Variants in TBXAS1 observed in about 807,000 individuals in gnomAD.
TBXAS1 encodes the protein thromboxane A synthase 1, also known as thromboxane-A synthase.
In TBXAS1, 48 loss-of-function variants were observed where a neutral mutation model predicts 60.7. The observed-to-expected ratio is 0.79, with a 90% confidence interval of 0.63 to 1.01. TBXAS1 has a LOEUF of 1.01. TBXAS1 is among the 50% of genes least tolerant of loss of function. The probability of loss-of-function intolerance (pLI) is 0.00; values close to 1 mark genes in which losing one functional copy is unlikely to be tolerated. For missense variants in TBXAS1, 685 were observed against 686.3 expected, an observed-to-expected ratio of 1.00 and a Z score of 0.02; for synonymous variants, 287 against 269.7, an observed-to-expected ratio of 1.06 and a Z score of -0.63.
intron 3 of TBXAS1, among the ~76,000 whole-genome samples, chr7:139,910,772 T>C (rs1188696372): frequency 6.6e-6 from 1 of 152,246 alleles, no homozygotes; most frequent in African/African-American, 2.4e-5. Context: ...CTTTAGACTT[T>C]TTCTGAGAAT....
At chr7:139,915,681 G>A (rs1412922845) in intron 4 of TBXAS1, among the ~76,000 whole-genome samples, 2 of 152,172 alleles carry the variant, frequency 1.3e-5, no homozygotes, top group East Asian at 3.8e-4. Flanking sequence ...GGGATCCATA[G>A]AGCATATTCA....
intron 9 of TBXAS1, chr7:139,962,654 A>G: frequency 3.9e-6 from 1 of 257,420 alleles, no homozygotes. Context: ...ACAAAAGGAC[A>G]GGCCAAGCTG....
rs3070223 is a variant in TBXAS1 at position 139,878,108 on chromosome 7, T to TGAGA, written c.236+2490_236+2493dup. Among the ~76,000 whole-genome samples, 1,047 of 147,014 alleles carry TGAGA rather than the reference T, an allele frequency of 7.1e-3. 12 individuals are homozygous for TGAGA. Among genetic ancestry groups the TGAGA allele is most frequent in the African/African-American group, 0.019 (756 of 39,766 alleles). The stretch of plus-strand genomic sequence containing the variant: ...ACTGTATGAACTAGTTGTGTGTGTG[T>TGAGA]GAGAGAGAGAGAGAGAGAGAGAAGG... On this transcript the variant is annotated intron_variant, in intron 3 of 12. Transcript: ENST00000448866.
chr7:139,920,209 G>A (rs770942636), intron 4 of TBXAS1, among the ~76,000 whole-genome samples: 3 of 152,248 alleles, frequency 2.0e-5, no homozygotes, highest in African/African-American at 7.2e-5. Context: ...TTGAAGCAGA[G>A]CAAGTAAAGA....
At chr7:139,844,203 ACC>A (rs1799653903) in intron 1 of TBXAS1, among the ~76,000 whole-genome samples, 2 of 152,158 alleles carry the variant, frequency 1.3e-5, no homozygotes, top group Non-Finnish European at 2.9e-5. Flanking sequence ...GTATCCTGAC[ACC>A]AGACTAGGGG....
chr7:139,978,196 A>G, intron 9 of TBXAS1, among the ~76,000 whole-genome samples: 1 of 152,214 alleles, frequency 6.6e-6, no homozygotes, highest in East Asian at 1.9e-4. Context: ...ATCAAATAAT[A>G]TTGATAATAA....
At chr7:140,012,077 G>A (rs1814660210) in intron 10 of TBXAS1, among the ~76,000 whole-genome samples, 1 of 152,188 alleles carries the variant, frequency 6.6e-6, no homozygotes, top group Non-Finnish European at 1.5e-5. Flanking sequence ...AGCAGGAGTG[G>A]GAGCCCGTGT....
intron 10 of TBXAS1, among the ~76,000 whole-genome samples, chr7:140,007,489 ATTCATTCATTCG>A (rs1162777354): frequency 2.5e-4 from 38 of 152,248 alleles, no homozygotes; most frequent in African/African-American, 6.7e-4. Flanking sequence ...TCGTTCATTC[ATTCATTCATTCG>A]TTCATTCATT....
rs189012222 is a variant in TBXAS1 at position 139,969,646 on chromosome 7, G to A, written c.1134+7413G>A. 4.4e-3 allele frequency among the ~76,000 whole-genome samples: 675 copies of A among 152,206 alleles called. 8 individuals carry two copies. Among genetic ancestry groups the A allele is most frequent in the Middle Eastern group, 6.8e-3 (2 of 294 alleles). ...TCACCCAGGGAGGAGGGCATGGTTG[G>A]CTTTGAGATCAAGTAGAAAACTGGA... On this transcript the variant is annotated intron_variant, in intron 9 of 12. Transcript: ENST00000448866.
At chr7:139,810,039 AC>A (rs1420129852) in intron 4 of TBXAS1, among the ~76,000 whole-genome samples, 1 of 151,440 alleles carries the variant, frequency 6.6e-6, no homozygotes, top group Non-Finnish European at 1.5e-5. Context: ...GTGGAAATTA[AC>A]TTTTTTTTTT....
At chr7:140,016,198 G>C (rs960405377) in intron 11 of TBXAS1, among the ~76,000 whole-genome samples, 1 of 151,882 alleles carries the variant, frequency 6.6e-6, no homozygotes, top group Non-Finnish European at 1.5e-5. Context: ...CGTGGTGGCG[G>C]GCGCCTGTAG....
Position 139,809,184 on chromosome 7 carries a change from C to G in TBXAS1, c.-79-20128C>G, listed in dbSNP as rs1373591806. Among the ~76,000 whole-genome samples the G allele has an allele frequency of 8.7e-5, 12 of 137,246 alleles. No individual in the cohort carries two copies. The Admixed American group carries it at 9.3e-4, about 11-fold the overall frequency. The allele number at this position is 137,246 out of a possible 152,430, so 90.0% of individuals were successfully genotyped here. ...AGATAGATAGATAGATAGATAGAAC[C>G]AATAGGAGATAGATGATAGATAGAT... is the stretch of plus-strand genomic sequence containing the variant. On this transcript the variant is annotated intron_variant, in intron 4 of 16. Transcript: ENST00000336425.
intron 3 of TBXAS1, among the ~76,000 whole-genome samples, chr7:139,884,160 C>T (rs1202528602): frequency 3.9e-5 from 6 of 152,222 alleles, no homozygotes; most frequent in African/African-American, 7.2e-5. Flanking sequence ...CAGCTGAAAC[C>T]GAACTCCAGT....
intron 4 of TBXAS1, among the ~76,000 whole-genome samples, chr7:139,793,950 T>TA (rs1479661992): frequency 6.6e-6 from 1 of 152,180 alleles, no homozygotes; most frequent in African/African-American, 2.4e-5. Flanking sequence ...AGCCCTTTTA[T>TA]AGGGGATTTC....
At chr7:139,787,634 A>G (rs1797240727) in intron 4 of TBXAS1, among the ~76,000 whole-genome samples, 1 of 152,122 alleles carries the variant, frequency 6.6e-6, no homozygotes, top group South Asian at 2.1e-4. Context: ...TGGGATGGCC[A>G]AGGAGAGCAA....
intron 5 of TBXAS1, among the ~76,000 whole-genome samples, chr7:139,944,417 G>C (rs1474643104): frequency 2.0e-5 from 3 of 152,238 alleles, no homozygotes; most frequent in African/African-American, 7.2e-5. Flanking sequence ...TCACTGTTCT[G>C]TGCCGAGAGA....
rs566822953 is a variant in TBXAS1, at chr7:139,871,835, G to T, written c.90-400G>T. ...ACACACATTTGCACAGGGAGCTTTT[G>T]CCATTGTTAGTTTTTTTACCTTGCC... On this transcript the variant is annotated intron_variant, in intron 1 of 12. Coordinates refer to ENST00000448866, the MANE Select transcript of TBXAS1 (RefSeq NM_001061.7). Among the ~76,000 whole-genome samples the T allele has an allele frequency of 1.4e-4, 22 of 152,298 alleles. No individual in the cohort carries two copies. In the East Asian group the frequency reaches 1.5e-3, roughly 11 times the overall value.
chr7:139,890,507 G>C (rs563214049), intron 3 of TBXAS1, among the ~76,000 whole-genome samples: 3 of 152,162 alleles, frequency 2.0e-5, no homozygotes, highest in Admixed American at 6.5e-5. Context: ...GAGCCACCGC[G>C]CCCGGCCAGG....
intron 9 of TBXAS1, among the ~76,000 whole-genome samples, chr7:139,990,937 G>T (rs1323892842): frequency 6.6e-6 from 1 of 152,114 alleles, no homozygotes; most frequent in Non-Finnish European, 1.5e-5. Context: ...GTGCAGGCAC[G>T]GGGGCACAGA....
Sources: gnomAD v4.1 joint callset for allele counts (sites outside exome capture counted in the v4.1 genomes callset) on GRCh38, gnomAD v4.1.1 for gene constraint, MANE v1.5 for transcripts, NCBI Gene and HGNC (gene_info 2026-07-23, HGNC 2026-07-21) for gene names.